The following SIM2 variants were observed in gnomAD, a reference collection of about 807,000 sequenced individuals.
SIM2 encodes the protein single-minded homolog 2.
A neutral mutation model predicts 64.8 loss-of-function variants in SIM2; 28 were observed. The observed-to-expected ratio is 0.43, with a 90% CI of 0.32 to 0.59. The LOEUF (loss-of-function observed/expected upper bound fraction) is 0.59, where lower values mean the gene tolerates loss of function less well. SIM2 is among the 20% of genes least tolerant of loss of function. The probability of loss-of-function intolerance (pLI) is 0.07; values close to 1 mark genes in which losing one functional copy is unlikely to be tolerated. For synonymous variants in SIM2, 408 were observed against 391.1 expected, an observed-to-expected ratio of 1.04 and a Z score of -0.51; for missense variants, 847 against 871.4, an observed-to-expected ratio of 0.97 and a Z score of 0.35.
At chr21:36,737,869 G>T (rs2018878) in intron 7 of SIM2, among the ~76,000 whole-genome samples, 35,466 of 147,726 alleles carry the variant, frequency 0.24, 4,431 homozygotes, top group Middle Eastern at 0.32. Context: ...TCTGAGGCAG[G>T]GAGAATCTCT....
intron 7 of SIM2, among the ~76,000 whole-genome samples, chr21:36,739,561 T>C (rs1243601192): frequency 1.3e-5 from 2 of 152,174 alleles, no homozygotes; most frequent in Non-Finnish European, 2.9e-5. Context: ...CCCTGAATTT[T>C]CAGCAATATT....
At chr21:36,712,730 G>C (rs2088694221) in intron 3 of SIM2, 108 bp downstream of exon 3, 1 of 724,414 alleles carries the variant, frequency 1.4e-6, no homozygotes, top group African/African-American at 1.8e-5. Context: ...GTTTGCTTTT[G>C]TGTAAGAACA....
chr21:36,731,438 G>A (rs557174620), intron 7 of SIM2, among the ~76,000 whole-genome samples: 43 of 152,272 alleles, frequency 2.8e-4, no homozygotes, highest in African/African-American at 1.0e-3. Context: ...TCTGTGATCT[G>A]GACACCATTT....
Position 36,743,435 on chromosome 21 carries a change from T to G in SIM2, c.1047T>G (p.Thr349=), listed in dbSNP as rs550411332. The G allele has an allele frequency of 2.4e-5, 39 of 1,614,040 alleles. 1 individual carries two copies. The South Asian group carries it at 4.2e-4, about 17-fold the overall frequency. The change falls in exon 9 of 11, where the codon ACT becomes ACG. Residue 349 remains threonine, a synonymous_variant. Coordinates refer to ENST00000290399, the MANE Select transcript of SIM2 (RefSeq NM_005069.6). ...AGCTGTCCCTGGAGCAGGTGTCCAC[T>G]GCCAAGTCCCAGGACTCCTGGAGGA... The part of the protein sequence containing the change: ...ELQLSLEQVS[T]AKSQDSWRTA...
chr21:36,744,998 C>T lies in SIM2; in HGVS notation c.1438C>T (p.Leu480=). The T allele has an allele frequency of 6.2e-7, 1 of 1,614,266 alleles. No homozygotes were observed. Among genetic ancestry groups the T allele is most frequent in the Non-Finnish European group, 8.5e-7 (1 of 1,180,048 alleles). ...GSPCEVARFF[L]STLPASGECQ... is the part of the protein sequence containing the mutation. The stretch of plus-strand genomic sequence containing the variant: ...CCCTTGTGAGGTGGCACGCTTTTTC[C>T]TGAGCACACTGCCAGCCAGCGGTGA... The change falls in exon 10 of 11, where the codon CTG becomes TTG. Residue 480 remains leucine, a synonymous_variant. Transcript: ENST00000290399.
chr21:36,732,911 CG>C (rs2088990163), intron 7 of SIM2, among the ~76,000 whole-genome samples: 1 of 151,994 alleles, frequency 6.6e-6, no homozygotes. Flanking sequence ...AGTTGGGAGA[CG>C]GGAGAGGCAT....
chr21:36,710,966 A>C (rs1198485394), intron 2 of SIM2, among the ~76,000 whole-genome samples: 2 of 152,202 alleles, frequency 1.3e-5, no homozygotes, highest in African/African-American at 4.8e-5. Flanking sequence ...GGGGAACTTC[A>C]ATGAAAACCT....
rs941615757 is a variant in SIM2, at chr21:36,747,169, T to C, written c.1577-496T>C. The stretch of plus-strand genomic sequence containing the variant: ...CGGGGTGGTTACCACCCCTCTCCAC[T>C]AAGGGACGGGCAGAAGAAATCAGAG... On this transcript the variant is annotated intron_variant, in intron 10 of 10. Coordinates refer to ENST00000290399, the MANE Select transcript of SIM2 (RefSeq NM_005069.6). This position sits in a 1 kb window ranked among gnomAD's most constrained non-coding sequence, Gnocchi z 4.5. Among the ~76,000 whole-genome samples, 1 of 151,928 alleles carries C rather than the reference T, an allele frequency of 6.6e-6. No homozygotes were observed. The highest frequency in any genetic ancestry group is 1.5e-5 in the Non-Finnish European group (1 of 67,964).
chr21:36,730,916 T>C (rs1157967647), intron 6 of SIM2, 129 bp from the exon 7 acceptor site: 3 of 660,696 alleles, frequency 4.5e-6, no homozygotes, highest in Non-Finnish European at 5.4e-6. Flanking sequence ...AAGATCATTC[T>C]CAGTTTCCAA....
intron 9 of SIM2, 26 bp downstream of exon 9, chr21:36,743,581 G>A (rs556036828): frequency 6.2e-7 from 1 of 1,607,310 alleles, no homozygotes; most frequent in African/African-American, 1.3e-5. Context: ...TGCAGTTTTG[G>A]GGTGCTGACA....
intron 1 of SIM2, among the ~76,000 whole-genome samples, chr21:36,704,880 G>T (rs1457596637): frequency 1.3e-5 from 2 of 152,206 alleles, no homozygotes; most frequent in Non-Finnish European, 2.9e-5. Context: ...GGAAAAAGGC[G>T]CAAGAAGCGG....
intron 5 of SIM2, among the ~76,000 whole-genome samples, chr21:36,723,781 C>T (rs756211261): frequency 2.6e-5 from 4 of 152,222 alleles, no homozygotes; most frequent in Non-Finnish European, 5.9e-5. Flanking sequence ...CAGACACCAC[C>T]GCTTGTTCTT....
intron 8 of SIM2, 106 bp downstream of exon 8, chr21:36,741,970 C>T: frequency 8.8e-7 from 1 of 1,132,136 alleles, no homozygotes; most frequent in African/African-American, 1.6e-5. Flanking sequence ...TCAAACTGTT[C>T]ATTTGTCTTC....
intron 5 of SIM2, among the ~76,000 whole-genome samples, chr21:36,725,358 A>G (rs1166846757): frequency 6.6e-6 from 1 of 152,114 alleles, no homozygotes; most frequent in Non-Finnish European, 1.5e-5. Context: ...AAAAAAATCT[A>G]CGGAAAGAAT....
At position 36,725,188 on chromosome 21, in the gene SIM2, A is replaced by T. The variant is rs2850098; in HGVS notation, c.544-931A>T. 2.6e-5 allele frequency among the ~76,000 whole-genome samples: 4 copies of T among 152,006 alleles called. No homozygotes were observed. In the South Asian group the frequency reaches 8.3e-4, roughly 32 times the overall value. On this transcript the variant is annotated intron_variant, in intron 5 of 10. Coordinates refer to ENST00000290399, the MANE Select transcript of SIM2 (RefSeq NM_005069.6). ...TAATGAGACCTTGTCTCTACAAAAAATTTTTTAAAAAATTAGCCAGGCACG... is the reference window on the plus strand; with the variant it reads ...TAATGAGACCTTGTCTCTACAAAAATTTTTTTAAAAAATTAGCCAGGCACG...
At chr21:36,713,879 T>C (rs532357837) in intron 3 of SIM2, among the ~76,000 whole-genome samples, 45 of 152,382 alleles carry the variant, frequency 3.0e-4, no homozygotes, top group Non-Finnish European at 6.0e-4. Context: ...TAAAATGATA[T>C]GGAAGTTTTT....
At chr21:36,708,514 A>T (rs1361491688) in intron 1 of SIM2, among the ~76,000 whole-genome samples, 1 of 152,188 alleles carries the variant, frequency 6.6e-6, no homozygotes, top group African/African-American at 2.4e-5. Flanking sequence ...CCGCCGGCAG[A>T]TTGGAGTCTG....
intron 6 of SIM2, among the ~76,000 whole-genome samples, chr21:36,729,856 GTGA>G (rs1223534963): frequency 1.3e-5 from 2 of 152,226 alleles, no homozygotes; most frequent in African/African-American, 4.8e-5. Flanking sequence ...CCTGATGCGG[GTGA>G]TGATGTGGTC....
rs2089290120 is a variant in SIM2, at chr21:36,749,252, C to T, written c.*1160C>T. On this transcript the variant is annotated 3_prime_UTR_variant, in exon 11 of 11. Transcript: ENST00000290399. ...AAAATCCTGTCATGGCTCTGAACTG[C>T]ACAATGCATTGAACCGCCGTCCTTC... 1 of 152,650 alleles carries T rather than the reference C, an allele frequency of 6.6e-6. No individual in the cohort carries two copies. The highest frequency in any genetic ancestry group is 6.5e-5 in the Admixed American group (1 of 15,284). 9.5% of individuals were successfully genotyped at this position (152,650 alleles called of 1,614,324 possible).
Sources: allele counts gnomAD v4.1 joint callset (sites outside exome capture counted in the v4.1 genomes callset), GRCh38; gene constraint gnomAD v4.1.1; non-coding constraint Gnocchi (gnomAD v3.1); transcripts MANE v1.5; gene names NCBI Gene and HGNC (gene_info 2026-07-23, HGNC 2026-07-21).